The following GRB10 variants were observed in gnomAD, a reference collection of about 807,000 sequenced individuals.
GRB10 encodes the protein growth factor receptor bound protein 10, also known as growth factor receptor-bound protein 10.
A neutral mutation model predicts 80.9 loss-of-function variants in GRB10; 20 were observed. The ratio of observed to expected loss-of-function variants is 0.25; its 90% CI spans 0.17 to 0.36. GRB10 has a LOEUF of 0.36. Ranked by LOEUF, GRB10 falls within the 10% of genes least tolerant of loss-of-function variation. The probability of loss-of-function intolerance (pLI) is 1.00; values close to 1 mark genes in which losing one functional copy is unlikely to be tolerated. For synonymous variants in GRB10, 291 were observed against 291.5 expected (o/e 1.00, Z 0.02); for missense variants, 548 against 747.7 (o/e 0.73, Z 3.12).
chr7:50,705,625 T>A (rs2064935571), intron 4 of GRB10, among the ~76,000 whole-genome samples: 1 of 152,224 alleles, frequency 6.6e-6, no homozygotes. Context: ...TTACAAATGA[T>A]CCTGATAAAC....
At chr7:50,664,930 A>G (rs2059650791) in intron 7 of GRB10, among the ~76,000 whole-genome samples, 1 of 152,274 alleles carries the variant, frequency 6.6e-6, no homozygotes, top group South Asian at 2.1e-4. Context: ...CTTTTAGAGG[A>G]AAGAAATTAA....
intron 2 of GRB10, among the ~76,000 whole-genome samples, chr7:50,777,998 G>A (rs2077878752): frequency 1.3e-5 from 2 of 152,240 alleles, no homozygotes; most frequent in South Asian, 2.1e-4. Flanking sequence ...ATGACAGGTT[G>A]ATAGATGTAG....
chr7:50,616,180 G>A, intron 11 of GRB10, 30 bp downstream of exon 11: 1 of 1,614,118 alleles, frequency 6.2e-7, no homozygotes. Flanking sequence ...GGCAGAATTA[G>A]GGCTGGTGGT....
intron 4 of GRB10, among the ~76,000 whole-genome samples, chr7:50,713,708 T>G (rs1485849276): frequency 2.1e-5 from 1 of 47,618 alleles, no homozygotes; most frequent in African/African-American, 8.5e-5. Context: ...ACCTCCTCCA[T>G]CCTCACCTCC....
intron 7 of GRB10, 77 bp from the exon 8 acceptor site, chr7:50,627,055 C>G (rs2053032660): frequency 1.4e-6 from 2 of 1,468,994 alleles, no homozygotes; most frequent in Non-Finnish European, 1.9e-6. Context: ...CAAAAGAAAA[C>G]AGGTAAAGTA....
chr7:50,755,310 G>A (rs1157474923), intron 3 of GRB10, among the ~76,000 whole-genome samples: 1 of 152,178 alleles, frequency 6.6e-6, no homozygotes, highest in African/African-American at 2.4e-5. Context: ...TCCATTCCCA[G>A]AAAGGGCCAC....
At chr7:50,673,563 G>A (rs943881966) in intron 6 of GRB10, among the ~76,000 whole-genome samples, 7 of 152,036 alleles carry the variant, frequency 4.6e-5, no homozygotes, top group Non-Finnish European at 7.4e-5. Context: ...CCTCAGCAAC[G>A]TGCTCAAATC....
chr7:50,735,976 C>CACACTTCCCGATTTCAAAACTTACTA (rs1319753204), intron 3 of GRB10, among the ~76,000 whole-genome samples: 1 of 152,194 alleles, frequency 6.6e-6, no homozygotes, highest in Non-Finnish European at 1.5e-5. Flanking sequence ...ACGGAGAACT[C>CACACTTCCCGATTTCAAAACTTACTA]ACACTTCCCG....
chr7:50,732,158 G>T, intron 4 of GRB10, 114 bp downstream of exon 4: 2 of 1,044,740 alleles, frequency 1.9e-6, no homozygotes, highest in Non-Finnish European at 3.0e-6. Context: ...CTGCTCCAGC[G>T]TGTCCTAGTG....
chr7:50,679,679 A>G (rs2061347066), intron 5 of GRB10, among the ~76,000 whole-genome samples: 1 of 152,176 alleles, frequency 6.6e-6, no homozygotes, highest in Non-Finnish European at 1.5e-5. Context: ...CTGTTAAGTC[A>G]TAAACAGCTG....
chr7:50,597,871 C>CT (rs1004217264), intron 17 of GRB10, among the ~76,000 whole-genome samples: 6 of 151,530 alleles, frequency 4.0e-5, no homozygotes, highest in Admixed American at 6.6e-5. Context: ...AACAACACCT[C>CT]TTTTTTTTTG....
In GRB10 at chr7:50,686,280, G is replaced by A. The variant is rs560715350; in HGVS notation, c.140-11622C>T. Among the ~76,000 whole-genome samples the A allele has an allele frequency of 5.9e-5, 9 of 152,284 alleles. No individual in the cohort carries two copies. In the East Asian group the frequency reaches 7.7e-4, roughly 13 times the overall value. ...CCATGTGAGGACACGGCAAGAAGACGCCATCTGTGATGCAGAGGGAGAGTC... is the reference window on the plus strand; with the variant it reads ...CCATGTGAGGACACGGCAAGAAGACACCATCTGTGATGCAGAGGGAGAGTC... On this transcript the variant is annotated intron_variant, in intron 5 of 18. Transcript: ENST00000401949.
intron 5 of GRB10, among the ~76,000 whole-genome samples, chr7:50,679,822 A>G (rs1443534373): frequency 6.6e-6 from 1 of 152,248 alleles, no homozygotes; most frequent in Non-Finnish European, 1.5e-5. Flanking sequence ...AAAAGAAGTG[A>G]AGGTCAGGCT....
chr7:50,686,298 G>A (rs2062096338), intron 5 of GRB10, among the ~76,000 whole-genome samples: 1 of 152,098 alleles, frequency 6.6e-6, no homozygotes, highest in South Asian at 2.1e-4. Context: ...TGATGCAGAG[G>A]GAGAGTCATC....
chr7:50,701,719 G>A (rs2064259285), intron 5 of GRB10, among the ~76,000 whole-genome samples: 1 of 152,232 alleles, frequency 6.6e-6, no homozygotes, highest in African/African-American at 2.4e-5. Flanking sequence ...CATTGTAGAT[G>A]GATGGTTATC....
At chr7:50,793,425 G>C (rs2079018720) in exon 1 of GRB10, 1 of 148,082 alleles carries the variant, frequency 6.8e-6, no homozygotes, top group South Asian at 1.8e-4. Flanking sequence ...CCGCCCGGCC[G>C]CAGCTCGCTT....
chr7:50,606,677 AATG>A, intron 13 of GRB10: 1 of 510,332 alleles, frequency 2.0e-6, no homozygotes, highest in Non-Finnish European at 3.6e-6. Flanking sequence ...CAGAAGCCTT[AATG>A]ATAACATAAA....
At chr7:50,655,412 T>C (rs2058547340) in intron 7 of GRB10, among the ~76,000 whole-genome samples, 2 of 152,182 alleles carry the variant, frequency 1.3e-5, no homozygotes, top group Admixed American at 1.3e-4. Flanking sequence ...TGGAGAATGG[T>C]ATCTAGAAAT....
intron 5 of GRB10, among the ~76,000 whole-genome samples, chr7:50,693,695 C>T (rs1302752805): frequency 1.3e-5 from 2 of 152,060 alleles, no homozygotes. Context: ...CACACACAGC[C>T]CTGTTCTCCA....
Sources: allele counts gnomAD v4.1 joint callset (sites outside exome capture counted in the v4.1 genomes callset), GRCh38; gene constraint gnomAD v4.1.1; transcripts MANE v1.5; gene names NCBI Gene and HGNC (gene_info 2026-07-23, HGNC 2026-07-21).